SGPP2: variants seen among roughly 807,000 people sequenced by gnomAD.
SGPP2 encodes sphingosine-1-phosphate phosphatase 2, also known as sphingosine 1-phosphate phosphohydrolase 2.
Under a neutral mutation model 33.9 loss-of-function variants are expected in SGPP2, and 30 were observed. That is an observed-to-expected ratio of 0.89 (90% CI 0.66 to 1.20). The LOEUF is 1.20. Ranked by LOEUF, SGPP2 falls within the 50% of genes most tolerant of loss-of-function variation. SGPP2 has a pLI of 0.00. For synonymous variants in SGPP2, 233 were observed against 225.0 expected (o/e 1.04, Z -0.32); for missense variants, 458 against 532.1 (o/e 0.86, Z 1.37).
At chr2:222,526,930 G>A (rs537834185) in intron 4 of SGPP2, among the ~76,000 whole-genome samples, 2 of 152,256 alleles carry the variant, frequency 1.3e-5, no homozygotes, top group Admixed American at 6.5e-5. Context: ...CATGGCACAC[G>A]TATACCTGTG....
At chr2:222,426,128 G>GAAT (rs1355017378) in intron 1 of SGPP2, among the ~76,000 whole-genome samples, 1 of 133,124 alleles carries the variant, frequency 7.5e-6, no homozygotes, top group African/African-American at 2.8e-5. Flanking sequence ...TAAGACAGGA[G>GAAT]AATAGCTTGA....
chr2:222,555,071 A>C (rs1470240065), intron 4 of SGPP2, among the ~76,000 whole-genome samples: 3 of 151,738 alleles, frequency 2.0e-5, no homozygotes, highest in Non-Finnish European at 2.9e-5. Flanking sequence ...CTATGGTTTT[A>C]TCTTTTCAAG....
rs77246537 is a variant in SGPP2 at position 222,451,782 on chromosome 2, C to T, written c.220-22786C>T. 2.5e-3 allele frequency among the ~76,000 whole-genome samples: 384 copies of T among 152,288 alleles called. 2 individuals carry two copies. Among genetic ancestry groups the T allele is most frequent in the African/African-American group, 8.9e-3 (370 of 41,566 alleles). On this transcript the variant is annotated intron_variant, in intron 1 of 4. Transcript: ENST00000321276. ...ATTCAAAAATATTTTTTCATGTTTG[C>T]TGAGCATGGTAGCAGAGATACATGG...
intron 1 of SGPP2, among the ~76,000 whole-genome samples, chr2:222,463,035 T>C (rs1279120430): frequency 2.6e-5 from 4 of 152,196 alleles, no homozygotes; most frequent in Non-Finnish European, 5.9e-5. Flanking sequence ...CAGCCTCCCA[T>C]TGGGGAACTA....
chr2:222,491,732 C>A (rs185226590), intron 2 of SGPP2, among the ~76,000 whole-genome samples: 2 of 152,144 alleles, frequency 1.3e-5, no homozygotes, highest in Admixed American at 6.5e-5. Context: ...TTTCAACACA[C>A]AATCTTGCCT....
At chr2:222,473,660 C>CA (rs1697882787) in intron 1 of SGPP2, among the ~76,000 whole-genome samples, 1 of 152,174 alleles carries the variant, frequency 6.6e-6, no homozygotes, top group South Asian at 2.1e-4. Context: ...CACGGTGGCT[C>CA]ACGCCCGTAA....
At chr2:222,459,142 C>CTTT (rs1164145783) in intron 1 of SGPP2, among the ~76,000 whole-genome samples, 167 of 94,466 alleles carry the variant, frequency 1.8e-3, no homozygotes, top group Non-Finnish European at 2.2e-3. Context: ...TTCTTTCTTT[C>CTTT]TTTTTTTTTT....
intron 4 of SGPP2, among the ~76,000 whole-genome samples, chr2:222,553,690 C>T (rs747567054): frequency 2.6e-5 from 4 of 152,206 alleles, no homozygotes; most frequent in African/African-American, 7.2e-5. Flanking sequence ...TCCTTTTGGA[C>T]GTCCCTCTGC....
intron 1 of SGPP2, among the ~76,000 whole-genome samples, chr2:222,446,709 A>G (rs1242853692): frequency 6.6e-6 from 1 of 152,234 alleles, no homozygotes; most frequent in Non-Finnish European, 1.5e-5. Flanking sequence ...AGTGGAATAA[A>G]TATTTAATGT....
chr2:222,529,817 G>A (rs1035195378), intron 4 of SGPP2, among the ~76,000 whole-genome samples: 6 of 152,214 alleles, frequency 3.9e-5, no homozygotes, highest in East Asian at 1.9e-4. Flanking sequence ...AATCCTCTCC[G>A]GAAGATTTTC....
intron 2 of SGPP2, among the ~76,000 whole-genome samples, chr2:222,510,659 C>T (rs1698513409): frequency 6.6e-6 from 1 of 152,022 alleles, no homozygotes. Flanking sequence ...TTGAAAAGAG[C>T]CTCTTGGTGC....
intron 2 of SGPP2, among the ~76,000 whole-genome samples, chr2:222,497,250 C>CTTTTTT (rs57363978): frequency 8.4e-6 from 1 of 118,568 alleles, no homozygotes; most frequent in Non-Finnish European, 1.7e-5. Context: ...TCTCTTTCTT[C>CTTTTTT]TTTTTTTTTT....
At chr2:222,430,542 C>T (rs1264371671) in intron 1 of SGPP2, among the ~76,000 whole-genome samples, 1 of 152,162 alleles carries the variant, frequency 6.6e-6, no homozygotes, top group Non-Finnish European at 1.5e-5. Flanking sequence ...TAGTCTCGAA[C>T]TCCTGGGCTC....
rs931213269 is a variant in SGPP2 at position 222,558,240 on chromosome 2, C to G, written c.649-107C>G. 13 of 1,235,216 alleles carry G rather than the reference C, an allele frequency of 1.1e-5. No homozygotes were observed. In the Admixed American group the frequency reaches 2.1e-4, roughly 20 times the overall value. The allele number at this position is 1,235,216 out of a possible 1,614,324, so 76.5% of individuals were successfully genotyped here. A position where few individuals can be genotyped will look rare whatever the true frequency, so the allele number is the denominator to read the frequency against. On this transcript the variant is annotated intron_variant, in intron 4 of 4. Transcript: ENST00000321276. ...ACATGTACTGTAAAATAAAACAATG[C>G]AAAAATTGTGTTTTAAATATCAAAT...
At chr2:222,454,611 G>A (rs1183597508) in intron 1 of SGPP2, among the ~76,000 whole-genome samples, 1 of 152,080 alleles carries the variant, frequency 6.6e-6, no homozygotes, top group African/African-American at 2.4e-5. Context: ...ACTTGTTCCT[G>A]GATAGCTGAG....
At chr2:222,525,542 C>G (rs931176442) in intron 4 of SGPP2, among the ~76,000 whole-genome samples, 1 of 152,172 alleles carries the variant, frequency 6.6e-6, no homozygotes. Flanking sequence ...AGAGTCCCAT[C>G]TGCATGTAAA....
At chr2:222,557,922 C>G (rs754282718) in intron 4 of SGPP2, among the ~76,000 whole-genome samples, 2 of 152,156 alleles carry the variant, frequency 1.3e-5, no homozygotes, top group African/African-American at 4.8e-5. Context: ...TTGGCTCCCC[C>G]AGAAGCGAGC....
At chr2:222,494,069 A>G (rs1319995676) in intron 2 of SGPP2, among the ~76,000 whole-genome samples, 3 of 152,218 alleles carry the variant, frequency 2.0e-5, no homozygotes, top group Admixed American at 6.5e-5. Flanking sequence ...TTTCAAGGAA[A>G]GTAACTTCAA....
chr2:222,454,158 A>AT lies in SGPP2; in HGVS notation c.220-20402dup, dbSNP rs1047335988. Among the ~76,000 whole-genome samples, 4 of 152,042 alleles carry AT rather than the reference A, an allele frequency of 2.6e-5. No homozygotes were observed. In the South Asian group the frequency reaches 6.2e-4, roughly 24 times the overall value. On this transcript the variant is annotated intron_variant, in intron 1 of 4. Coordinates refer to ENST00000321276, the MANE Select transcript of SGPP2 (RefSeq NM_152386.4). Reference sequence around the variant, plus strand: ...AAAATTTAAGCATTTTTACTTCATGATTTTTTTTGCCAATACAAACAGAAA... The same window carrying AT: ...AAAATTTAAGCATTTTTACTTCATGATTTTTTTTTGCCAATACAAACAGAAA...
Sources: gnomAD v4.1 joint callset for allele counts (sites outside exome capture counted in the v4.1 genomes callset) on GRCh38, gnomAD v4.1.1 for gene constraint, MANE v1.5 for transcripts, NCBI Gene and HGNC (gene_info 2026-07-23, HGNC 2026-07-21) for gene names.